Variants in DGKD observed in about 807,000 individuals in gnomAD.
DGKD encodes diacylglycerol kinase delta, also known as DAG kinase delta.
DGKD carries 68 observed loss-of-function variants against 154.4 expected under a neutral mutation model. The observed-to-expected ratio is 0.44, with a 90% CI of 0.36 to 0.54. The LOEUF (loss-of-function observed/expected upper bound fraction) is 0.54. DGKD is among the 20% of genes least tolerant of loss of function. DGKD has a pLI of 0.00. For missense variants in DGKD, 1,343 were observed against 1,593.6 expected (o/e 0.84, Z 2.68); for synonymous variants, 693 against 638.0 (o/e 1.09, Z -1.30).
intron 27 of DGKD, 89 bp downstream of exon 27, chr2:233,464,372 T>A: frequency 6.5e-7 from 1 of 1,541,456 alleles, no homozygotes. Flanking sequence ...CGTGTGGCTC[T>A]GGGATCAAGA....
intron 1 of DGKD, among the ~76,000 whole-genome samples, chr2:233,381,738 G>A (rs1207161481): frequency 2.6e-5 from 4 of 152,162 alleles, no homozygotes; most frequent in Non-Finnish European, 5.9e-5. Flanking sequence ...CACAGATGAA[G>A]CTTTAGAGAT....
chr2:233,424,610 C>T (rs984579994), intron 3 of DGKD, among the ~76,000 whole-genome samples: 2 of 152,176 alleles, frequency 1.3e-5, no homozygotes, highest in African/African-American at 4.8e-5. Flanking sequence ...GGCCCACTGG[C>T]CCTGGTGTGA....
intron 1 of DGKD, among the ~76,000 whole-genome samples, chr2:233,369,067 C>G (rs909025939): frequency 1.3e-5 from 2 of 152,212 alleles, no homozygotes; most frequent in African/African-American, 2.4e-5. Flanking sequence ...TTGTCTCAGC[C>G]TCATAAAGTG....
In DGKD at chr2:233,459,799, C is replaced by T. The variant is rs199643876; in HGVS notation, c.2737C>T (p.Pro913Ser). 1 of 1,613,862 alleles carries T rather than the reference C, an allele frequency of 6.2e-7. No homozygotes were observed. Among genetic ancestry groups the T allele is most frequent in the Middle Eastern group, 1.7e-4 (1 of 6,060 alleles). Residue 913 changes from proline to serine, a missense_variant, in exon 23 of 30, where the codon CCT (proline) becomes TCT (serine). By Grantham distance (74) the Pro-to-Ser change is moderately conservative (BLOSUM62 -1). This residue lies in a region of DGKD where 429 missense variants were observed against 496.3 expected (regional missense o/e 0.86). Coordinates refer to ENST00000264057, the MANE Select transcript of DGKD (RefSeq NM_152879.3). The surrounding 1 kb of genome is among the most constrained non-coding windows in gnomAD (Gnocchi z 5.7). ...KISILGDEGV[P>S]VQVDGEAWVQ... is the part of the protein sequence containing the mutation. ...CTCCATCCTTGGGGATGAGGGCGTG[C>T]CTGTGCAGGTGGACGGAGAGGCCTG...
rs374682653 is a variant in DGKD, at chr2:233,445,598, C to A, written c.1195-25C>A. 1.3e-6 allele frequency: 2 copies of A among 1,579,984 alleles called. No individual in the cohort carries two copies. Among genetic ancestry groups the A allele is most frequent in the South Asian group, 1.2e-5 (1 of 85,424 alleles). The stretch of plus-strand genomic sequence containing the variant: ...GCCCCTGCCCCCAGGTGTTTGCCTG[C>A]GCATCGTCCCCCATGTTTCCTTAGT... On this transcript the variant is annotated intron_variant, in intron 10 of 29. Coordinates refer to ENST00000264057, the MANE Select transcript of DGKD (RefSeq NM_152879.3). This position sits in a 1 kb window ranked among gnomAD's most constrained non-coding sequence, Gnocchi z 5.5.
chr2:233,421,834 C>A (rs555516416), intron 3 of DGKD, among the ~76,000 whole-genome samples: 1 of 152,318 alleles, frequency 6.6e-6, no homozygotes, highest in African/African-American at 2.4e-5. Flanking sequence ...AATGTAACTT[C>A]CGCAGGAGCA....
intron 18 of DGKD, among the ~76,000 whole-genome samples, chr2:233,453,864 G>A (rs2063371896): frequency 6.6e-6 from 1 of 152,206 alleles, no homozygotes; most frequent in Admixed American, 6.5e-5. Context: ...TCGCACACGG[G>A]GAAAAGGAAG....
intron 5 of DGKD, 35 bp downstream of exon 5, chr2:233,434,936 G>T (rs757649244): frequency 5.0e-6 from 8 of 1,589,640 alleles, no homozygotes; most frequent in Middle Eastern, 3.3e-4. Context: ...GTCAGGAAAG[G>T]TGGCCTGGCA....
At chr2:233,461,769 C>T (rs528868662) in intron 24 of DGKD, among the ~76,000 whole-genome samples, 1 of 152,366 alleles carries the variant, frequency 6.6e-6, no homozygotes, top group South Asian at 2.1e-4. Flanking sequence ...GCCCCGCTGC[C>T]TTTGCTTGCA....
Position 233,457,976 on chromosome 2 carries a change from C to T in DGKD, c.2581-308C>T, listed in dbSNP as rs1451887226. Among the ~76,000 whole-genome samples, 1 of 152,200 alleles carries T rather than the reference C, an allele frequency of 6.6e-6. No homozygotes were observed. The highest frequency in any genetic ancestry group is 1.5e-5 in the Non-Finnish European group (1 of 68,028). ...TGGTGTGTGCTGGCCCCAGTCCTGG[C>T]ACTCTGCAGCGTTAACTCACTTGGC... On this transcript the variant is annotated intron_variant, in intron 21 of 29. Coordinates refer to ENST00000264057, the MANE Select transcript of DGKD (RefSeq NM_152879.3). The surrounding 1 kb of genome is among the most constrained non-coding windows in gnomAD (Gnocchi z 5.5).
rs1024881596 is a variant in DGKD at position 233,468,471 on chromosome 2, G to T, written c.3473G>T (p.Ser1158Ile). ...GTTGCTGCCTGGCTGGAGCACCTCA[G>T]TCTCTGTGAGTATAAGGACATCTTC... ...EEVAAWLEHL[S>I]LCEYKDIFTR... is the part of the protein sequence containing the mutation. The change falls in exon 29 of 30, where the codon AGT becomes ATT. Residue 1158 changes from serine (S) to isoleucine (I), a missense_variant. By Grantham distance (142) the Ser-to-Ile change is moderately radical (BLOSUM62 -2). This residue lies in a region of DGKD where 429 missense variants were observed against 496.3 expected (regional missense o/e 0.86). Transcript: ENST00000264057. The T allele has an allele frequency of 6.2e-7, 1 of 1,613,610 alleles. No homozygotes were observed. Among genetic ancestry groups the T allele is most frequent in the African/African-American group, 1.3e-5 (1 of 74,842 alleles).
intron 5 of DGKD, among the ~76,000 whole-genome samples, chr2:233,435,599 C>T (rs1323893504): frequency 6.6e-6 from 1 of 152,212 alleles, no homozygotes; most frequent in African/African-American, 2.4e-5. Context: ...ACTCTCTGGC[C>T]TGTTACAGAA....
At chr2:233,465,069 G>T (rs1188951466) in intron 27 of DGKD, among the ~76,000 whole-genome samples, 1 of 152,218 alleles carries the variant, frequency 6.6e-6, no homozygotes, top group Admixed American at 6.5e-5. Context: ...GCCCTGGGGC[G>T]TTTTTTGACG....
Position 233,438,291 on chromosome 2 carries a change from A to T in DGKD, c.997A>T (p.Asn333Tyr), listed in dbSNP as rs2062765735. The T allele has an allele frequency of 1.2e-6, 2 of 1,614,114 alleles. No homozygotes were observed. The highest frequency in any genetic ancestry group is 1.7e-6 in the Non-Finnish European group (2 of 1,180,050). The part of the protein sequence containing the change: ...LVFVNSKSGD[N>Y]QGVKFLRRFK... Reference sequence around the variant, plus strand: ...CTTCGTCAATTCAAAAAGTGGGGACAACCAGGGTGTGAAGTTCCTCAGAAG... The same window carrying T: ...CTTCGTCAATTCAAAAAGTGGGGACTACCAGGGTGTGAAGTTCCTCAGAAG... Residue 333 changes from asparagine (N) to tyrosine (Y), a missense_variant, in exon 9 of 30, where the codon AAC (asparagine) becomes TAC (tyrosine). By Grantham distance (143) the Asn-to-Tyr change is moderately radical (BLOSUM62 -2). This residue lies in a region of DGKD where 332 missense variants were observed against 400.1 expected (regional missense o/e 0.83). Transcript: ENST00000264057. This position sits in a 1 kb window ranked among gnomAD's most constrained non-coding sequence, Gnocchi z 4.1.
intron 27 of DGKD, among the ~76,000 whole-genome samples, chr2:233,464,769 T>TGGGG (rs755535474): frequency 1.3e-5 from 2 of 152,198 alleles, no homozygotes; most frequent in African/African-American, 4.8e-5. Context: ...TAGCGGACCC[T>TGGGG]GGGGTGGAGT....
rs139905414 is a variant in DGKD at position 233,357,864 on chromosome 2, A to C, written c.156+3190A>C. ...ATATGCATTTCTAACAAGCTCCCAGAAGATGCTGATGCTGCTGGTCCATGG... is the reference window on the plus strand; with the variant it reads ...ATATGCATTTCTAACAAGCTCCCAGCAGATGCTGATGCTGCTGGTCCATGG... On this transcript the variant is annotated intron_variant, in intron 1 of 29. Transcript: ENST00000264057. Among the ~76,000 whole-genome samples the C allele has an allele frequency of 3.2e-3, 483 of 152,302 alleles. 1 individual carries two copies. The highest frequency in any genetic ancestry group is 0.011 in the African/African-American group (449 of 41,554).
At chr2:233,398,203 T>C (rs564503456) in intron 3 of DGKD, among the ~76,000 whole-genome samples, 6 of 151,350 alleles carry the variant, frequency 4.0e-5, no homozygotes, top group East Asian at 2.0e-4. Flanking sequence ...AGTGCAGTGG[T>C]GCGATCTTGG....
chr2:233,386,537 C>T (rs1478671121), intron 1 of DGKD, among the ~76,000 whole-genome samples: 3 of 104,420 alleles, frequency 2.9e-5, no homozygotes, highest in Non-Finnish European at 5.2e-5. Flanking sequence ...TGGGGATCCC[C>T]GCTGTCTCTA....
chr2:233,462,469 C>T lies in DGKD; in HGVS notation c.3093+10C>T, dbSNP rs753041514. On this transcript the variant is annotated intron_variant, in intron 25 of 29. Transcript: ENST00000264057. ...GCCCAGAACCACAGAGGTAGCTATT[C>T]TGGCCTTTTCAGTCCTGGCTTCTTC... 2.5e-6 allele frequency: 4 copies of T among 1,590,162 alleles called. No individual in the cohort carries two copies. Among genetic ancestry groups the T allele is most frequent in the Admixed American group, 1.7e-5 (1 of 59,516 alleles).
Sources: allele counts gnomAD v4.1 joint callset (sites outside exome capture counted in the v4.1 genomes callset), GRCh38; gene constraint gnomAD v4.1.1; regional missense constraint gnomAD v4.1.1; non-coding constraint Gnocchi (gnomAD v3.1); transcripts MANE v1.5; gene names NCBI Gene and HGNC (gene_info 2026-07-23, HGNC 2026-07-21).